Variants in SYTL5 observed in about 807,000 individuals in gnomAD.
SYTL5 encodes synaptotagmin-like protein 5.
In SYTL5, 34 loss-of-function variants were observed where a neutral mutation model predicts 55.9. The ratio of observed to expected loss-of-function variants is 0.61; its 90% CI spans 0.46 to 0.81. SYTL5 has a LOEUF of 0.81. SYTL5 is among the 30% of genes least tolerant of loss of function. SYTL5 has a pLI of 0.00. For missense variants in SYTL5, 637 were observed against 546.7 expected, an observed-to-expected ratio of 1.17 and a Z score of -1.65; for synonymous variants, 221 against 188.7, an observed-to-expected ratio of 1.17 and a Z score of -1.40.
intron 2 of SYTL5, among the ~76,000 whole-genome samples, chrX:38,041,162 AGG>A (rs1259713283): frequency 2.7e-5 from 3 of 111,859 alleles, no homozygotes; most frequent in African/African-American, 6.5e-5. Flanking sequence ...GAGAAACAGG[AGG>A]GGAGCGTGCA....
rs5918476 is a variant in SYTL5 at position 38,108,615 on chromosome X, T to C, written c.1350T>C (p.Tyr450=). The part of the protein sequence containing the change: ...KQRTDAYVKS[Y]LLPDKSRNNK... The stretch of plus-strand genomic sequence containing the variant: ...TTATCTATAGTTATGTCAAGTCATA[T>C]CTTCTTCCTGACAAGTCCCGGAACA... The change falls in exon 12 of 17, where the codon TAT becomes TAC. Residue 450 remains tyrosine (Y), a synonymous_variant. Coordinates refer to ENST00000297875, the MANE Select transcript of SYTL5 (RefSeq NM_138780.3). 0.27 allele frequency: 320,539 copies of C among 1,185,999 alleles called. 36,927 individuals are homozygous for C. The highest frequency in any genetic ancestry group is 0.78 in the African/African-American group (43,342 of 55,612).
chrX:37,942,036 T>C, the SYTL5 span, among the ~76,000 whole-genome samples: 3 of 112,201 alleles, frequency 2.7e-5, no homozygotes, highest in Non-Finnish European at 5.6e-5. Flanking sequence ...ATAAATTTTC[T>C]AATAATTCAG....
the SYTL5 span, among the ~76,000 whole-genome samples, chrX:37,962,927 G>T: frequency 9.0e-6 from 1 of 111,544 alleles, no homozygotes; most frequent in African/African-American, 3.3e-5. Context: ...ATACAAAATT[G>T]GGGATTAAAT....
rs1376750029 is a variant in SYTL5 at position 38,126,920 on chromosome X, A to T, written c.*190A>T. On this transcript the variant is annotated 3_prime_UTR_variant, in exon 17 of 17. Coordinates refer to ENST00000297875, the MANE Select transcript of SYTL5 (RefSeq NM_138780.3). ...GAGTGCCTAAAAAACATATATTTCC[A>T]TCCAATCAAGGCCTTCTTGATTGGA... The T allele has an allele frequency of 2.4e-6, 1 of 421,791 alleles. No individual in the cohort carries two copies. The highest frequency in any genetic ancestry group is 3.9e-5 in the East Asian group (1 of 25,869). The allele number at this position is 421,791 out of a possible 1,213,427, so 34.8% of individuals were successfully genotyped here. A position where few individuals can be genotyped will look rare whatever the true frequency, so the allele number is the denominator to read the frequency against.
the SYTL5 span, among the ~76,000 whole-genome samples, chrX:37,968,428 GA>G: frequency 3.6e-5 from 4 of 111,516 alleles, no homozygotes; most frequent in Non-Finnish European, 5.7e-5. Context: ...AAAAGGGTTT[GA>G]AAGGGGGTTG....
At chrX:38,011,736 A>G (rs1262881829) in intron 1 of SYTL5, among the ~76,000 whole-genome samples, 4 of 111,508 alleles carry the variant, frequency 3.6e-5, no homozygotes, top group African/African-American at 1.3e-4. Flanking sequence ...GATATTTTCT[A>G]GGGTATCTGT....
chrX:38,043,690 T>TATATATATATATACACAC (rs1366385489), intron 2 of SYTL5, among the ~76,000 whole-genome samples: 2 of 69,556 alleles, frequency 2.9e-5, no homozygotes, highest in Non-Finnish European at 2.4e-5. Context: ...TATATATATA[T>TATATATATATATACACAC]ACATATATAT....
chrX:37,991,869 A>G, the SYTL5 span, among the ~76,000 whole-genome samples: 2 of 111,977 alleles, frequency 1.8e-5, no homozygotes, highest in Admixed American at 9.4e-5. Context: ...TTATTATGAA[A>G]GCGGATTTGA....
the SYTL5 span, among the ~76,000 whole-genome samples, chrX:37,892,712 ATG>A: frequency 1.3e-5 from 1 of 77,974 alleles, no homozygotes; most frequent in Non-Finnish European, 2.1e-5. Flanking sequence ...ATTAGTATAT[ATG>A]TATATATTAG....
intron 1 of SYTL5, among the ~76,000 whole-genome samples, chrX:38,033,312 C>G (rs1935013350): frequency 9.0e-6 from 1 of 111,666 alleles, no homozygotes. Flanking sequence ...ATGGAGAAAA[C>G]TGAATTTGCA....
chrX:38,037,220 C>T (rs1366869466), intron 2 of SYTL5, among the ~76,000 whole-genome samples: 1 of 112,053 alleles, frequency 8.9e-6, no homozygotes, highest in Admixed American at 9.5e-5. Flanking sequence ...TGCAATGCAA[C>T]TTAAGCTCCA....
At chrX:38,122,304 C>T (rs1268705275) in intron 15 of SYTL5, 89 bp downstream of exon 15, 53 of 851,719 alleles carry the variant, frequency 6.2e-5, no homozygotes, top group Non-Finnish European at 8.4e-5. Flanking sequence ...GTGAGCCTTC[C>T]GTGTTCTGTT....
chrX:37,889,228 G>T, the SYTL5 span, among the ~76,000 whole-genome samples: 10 of 112,377 alleles, frequency 8.9e-5, no homozygotes, highest in African/African-American at 3.2e-4. Context: ...GTGACCCAGA[G>T]AATACTCACT....
the SYTL5 span, among the ~76,000 whole-genome samples, chrX:37,998,098 A>G: frequency 3.2e-4 from 36 of 112,260 alleles, no homozygotes; most frequent in Admixed American, 7.5e-4. Flanking sequence ...CCCTTGCTGC[A>G]GAAAGGAGCT....
Position 38,108,607 on chromosome X carries a change from A to T in SYTL5, c.1342A>T (p.Lys448Ter), listed in dbSNP as rs1405071512. 1 of 1,177,768 alleles carries T rather than the reference A, an allele frequency of 8.5e-7. No individual in the cohort carries two copies. The highest frequency in any genetic ancestry group is 1.1e-6 in the Non-Finnish European group (1 of 870,326). ...ATATTTTCTTATCTATAGTTATGTC[A>T]AGTCATATCTTCTTCCTGACAAGTC... ...EKKQRTDAYV[K>*]SYLLPDKSRN... Residue 448 changes from lysine to a stop codon, truncating the protein, a stop_gained, in exon 12 of 17, where the codon AAG becomes TAG. Transcript: ENST00000297875. LOFTEE classifies it high-confidence loss of function.
rs199648188 is a variant in SYTL5, at chrX:38,121,780, AG to A, written c.1706-298del. Among the ~76,000 whole-genome samples, 736 of 112,688 alleles carry A rather than the reference AG, an allele frequency of 6.5e-3. 4 individuals are homozygous for A. Among genetic ancestry groups the A allele is most frequent in the African/African-American group, 0.023 (700 of 31,035 alleles). Reference sequence around the variant, plus strand: ...AGGAATGGTGCTCCGGGAAACTCTTAGGCATTCCATGCCTTTATACCCTGTG... The same window carrying A: ...AGGAATGGTGCTCCGGGAAACTCTTAGCATTCCATGCCTTTATACCCTGTG... On this transcript the variant is annotated intron_variant, in intron 14 of 16. Transcript: ENST00000297875.
the SYTL5 span, among the ~76,000 whole-genome samples, chrX:37,995,512 T>C: frequency 8.9e-6 from 1 of 112,338 alleles, no homozygotes; most frequent in East Asian, 2.8e-4. Flanking sequence ...TGATTCCTTA[T>C]GGAGAGCTAT....
At chrX:37,950,223 C>G in the SYTL5 span, among the ~76,000 whole-genome samples, 1 of 111,345 alleles carries the variant, frequency 9.0e-6, no homozygotes, top group Non-Finnish European at 1.9e-5. Context: ...TAAACATCCT[C>G]TTGCTCTTAG....
the SYTL5 span, among the ~76,000 whole-genome samples, chrX:37,955,518 A>G: frequency 1.8e-5 from 2 of 112,246 alleles, no homozygotes; most frequent in East Asian, 2.8e-4. Flanking sequence ...GTGTTATGCT[A>G]GAAACATATA....
Sources: gnomAD v4.1 joint callset for allele counts (sites outside exome capture counted in the v4.1 genomes callset) on GRCh38, gnomAD v4.1.1 for gene constraint, MANE v1.5 for transcripts, NCBI Gene and HGNC (gene_info 2026-07-23, HGNC 2026-07-21) for gene names.